The following PLEKHA7 variants were observed in gnomAD, a reference collection of about 807,000 sequenced individuals.
The protein encoded by PLEKHA7 is pleckstrin homology domain containing A7.
A neutral mutation model predicts 170.0 loss-of-function variants in PLEKHA7; 104 were observed. The ratio of observed to expected loss-of-function variants is 0.61; its 90% CI spans 0.52 to 0.72. The LOEUF (loss-of-function observed/expected upper bound fraction) is 0.72. Among genes scored for constraint, PLEKHA7 ranks in the 30% least tolerant of loss-of-function variants. The pLI, the probability that PLEKHA7 is intolerant of heterozygous loss-of-function variation, is 0.00. For synonymous variants in PLEKHA7, 648 were observed against 660.8 expected (o/e 0.98, Z 0.30); for missense variants, 1,615 against 1,671.7 (o/e 0.97, Z 0.59).
chr11:16,881,973 G>T (rs2135801876), intron 3 of PLEKHA7, among the ~76,000 whole-genome samples: 1 of 152,284 alleles, frequency 6.6e-6, no homozygotes, highest in East Asian at 1.9e-4. Context: ...GGGCAGAGGG[G>T]TTAAAAAGAG....
intron 3 of PLEKHA7, among the ~76,000 whole-genome samples, chr11:17,000,498 CCTT>C (rs1864601517): frequency 6.6e-6 from 1 of 152,162 alleles, no homozygotes; most frequent in Admixed American, 6.5e-5. Context: ...TGCCCAGCTT[CCTT>C]TTAAAGACAA....
At chr11:16,962,283 G>C (rs58540437) in intron 3 of PLEKHA7, among the ~76,000 whole-genome samples, 8,569 of 152,262 alleles carry the variant, frequency 0.056, 785 homozygotes, top group African/African-American at 0.19. Context: ...CATTATCACA[G>C]TGTCCACCTG....
intron 26 of PLEKHA7, 52 bp from the exon 27 acceptor site, chr11:16,779,072 C>T (rs936789855): frequency 7.1e-6 from 5 of 702,416 alleles, no homozygotes; most frequent in South Asian, 1.5e-5. Context: ...GGAGCAGGCA[C>T]GTCTGCACAC....
rs1053587220 is a variant in PLEKHA7, at chr11:16,855,626, G to T, written c.417+177C>A. 8.3e-6 allele frequency: 5 copies of T among 602,844 alleles called. No homozygotes were observed. The African/African-American group carries it at 9.3e-5, about 11-fold the overall frequency. 37.3% of individuals were successfully genotyped at this position (602,844 alleles called of 1,614,324 possible). On this transcript the variant is annotated intron_variant, in intron 5 of 26. Transcript: ENST00000531066. ...GGGTCTGTCAGCAATCACCTGTTCT[G>T]CTGGACAAGGGACATATCCCTCTTG...
intron 10 of PLEKHA7, among the ~76,000 whole-genome samples, chr11:16,823,611 T>C (rs927354712): frequency 1.3e-5 from 2 of 152,206 alleles, no homozygotes; most frequent in Non-Finnish European, 2.9e-5. Flanking sequence ...CCTATGCTTG[T>C]ATCTGCTGCA....
In PLEKHA7 at chr11:16,861,476, C is replaced by G. The variant is rs543185539; in HGVS notation, c.306-5562G>C. On this transcript the variant is annotated intron_variant, in intron 4 of 26. Coordinates refer to ENST00000531066, the MANE Select transcript of PLEKHA7 (RefSeq NM_001329630.2). ...AAGACCTGGGCAACATAATGAGACCCCGTCTCTATGAAAAATACAAAAATT... is the reference window on the plus strand; with the variant it reads ...AAGACCTGGGCAACATAATGAGACCGCGTCTCTATGAAAAATACAAAAATT... 5.3e-5 allele frequency among the ~76,000 whole-genome samples: 8 copies of G among 152,110 alleles called. No homozygotes were observed. The East Asian group carries it at 1.5e-3, about 29-fold the overall frequency.
At chr11:16,870,204 T>C (rs1854716800) in intron 4 of PLEKHA7, among the ~76,000 whole-genome samples, 1 of 152,154 alleles carries the variant, frequency 6.6e-6, no homozygotes, top group Non-Finnish European at 1.5e-5. Flanking sequence ...CCAGGGACGA[T>C]GGGGATTACC....
At chr11:16,881,533 T>G (rs1230625569) in intron 3 of PLEKHA7, 1 of 152,212 alleles carries the variant, frequency 6.6e-6, no homozygotes, top group Non-Finnish European at 1.5e-5. Context: ...CAGCTCTGAG[T>G]CACTGCCCCA....
chr11:16,839,363 C>T (rs539596618), intron 9 of PLEKHA7, among the ~76,000 whole-genome samples: 19 of 151,238 alleles, frequency 1.3e-4, no homozygotes, highest in African/African-American at 4.3e-4. Flanking sequence ...GGGATATCTT[C>T]GTCTTACAGT....
At position 16,826,715 on chromosome 11, in the gene PLEKHA7, C is replaced by G. The variant is rs964189916; in HGVS notation, c.873-125G>C. ...CCCTCTGCTCAGAACGCCTTTCATG[C>G]TCATGTCCTCACTCTGCCTGCCTAA... On this transcript the variant is annotated intron_variant, in intron 9 of 26. Coordinates refer to ENST00000531066, the MANE Select transcript of PLEKHA7 (RefSeq NM_001329630.2). The G allele has an allele frequency of 4.8e-6, 4 of 836,516 alleles. No homozygotes were observed. In the African/African-American group the frequency reaches 6.8e-5, roughly 14 times the overall value. The allele number at this position is 836,516 out of a possible 1,614,324, so 51.8% of individuals were successfully genotyped here.
intron 3 of PLEKHA7, among the ~76,000 whole-genome samples, chr11:16,958,618 A>G (rs899985314): frequency 6.6e-6 from 1 of 152,216 alleles, no homozygotes; most frequent in African/African-American, 2.4e-5. Flanking sequence ...TCTAATATGC[A>G]TTATTTCTGC....
At position 16,791,357 on chromosome 11, in the gene PLEKHA7, C is replaced by A. The variant is rs963716963; in HGVS notation, c.2746-158G>T. On this transcript the variant is annotated intron_variant, in intron 19 of 26. Transcript: ENST00000531066. The surrounding 1 kb of genome is among the most constrained non-coding windows in gnomAD (Gnocchi z 4.5). ...CAAGGAGCACTCACACTTCCCCTGG[C>A]GGAGCAGTGAAGAAGGGACATGCTC... 3 of 674,158 alleles carry A rather than the reference C, an allele frequency of 4.4e-6. No homozygotes were observed. The Admixed American group carries it at 8.6e-5, about 19-fold the overall frequency. The allele number at this position is 674,158 out of a possible 1,614,324, so 41.8% of individuals were successfully genotyped here.
intron 3 of PLEKHA7, among the ~76,000 whole-genome samples, chr11:17,002,582 CT>C (rs1381858531): frequency 6.6e-6 from 1 of 152,120 alleles, no homozygotes; most frequent in Non-Finnish European, 1.5e-5. Context: ...CCCCATCAGC[CT>C]CAAATGCCTG....
At chr11:16,981,457 G>T (rs1368099500) in intron 3 of PLEKHA7, among the ~76,000 whole-genome samples, 2 of 152,072 alleles carry the variant, frequency 1.3e-5, no homozygotes, top group African/African-American at 2.4e-5. Context: ...GAGCTTCCTG[G>T]AACACCTGCT....
At chr11:16,870,409 G>C (rs1854733892) in intron 4 of PLEKHA7, among the ~76,000 whole-genome samples, 2 of 151,988 alleles carry the variant, frequency 1.3e-5, no homozygotes, top group South Asian at 4.2e-4. Context: ...CAGGAGGATT[G>C]CTTCAGCTCA....
At chr11:16,815,937 T>G (rs1002882861) in intron 12 of PLEKHA7, among the ~76,000 whole-genome samples, 1 of 152,126 alleles carries the variant, frequency 6.6e-6, no homozygotes, top group East Asian at 1.9e-4. Flanking sequence ...AAAATTCATC[T>G]TGAAAGAGGA....
At position 16,789,499 on chromosome 11, in the gene PLEKHA7, T is replaced by C; in HGVS notation, c.3157-203A>G. On this transcript the variant is annotated intron_variant, in intron 22 of 26. Coordinates refer to ENST00000531066, the MANE Select transcript of PLEKHA7 (RefSeq NM_001329630.2). This position sits in a 1 kb window ranked among gnomAD's most constrained non-coding sequence, Gnocchi z 4.6. ...CAGGAGCTTTCTGAGTAGCACCCAT[T>C]CTGCAGATGCAGACACTTAGGCTCA... The C allele has an allele frequency of 1.6e-6, 1 of 626,776 alleles. No homozygotes were observed. Among genetic ancestry groups the C allele is most frequent in the Non-Finnish European group, 2.8e-6 (1 of 359,540 alleles). The allele number at this position is 626,776 out of a possible 1,614,324, so 38.8% of individuals were successfully genotyped here.
intron 3 of PLEKHA7, among the ~76,000 whole-genome samples, chr11:16,976,776 T>C (rs1461104632): frequency 2.0e-5 from 3 of 152,244 alleles, no homozygotes; most frequent in African/African-American, 7.2e-5. Context: ...TTTTTTGGTC[T>C]CATAGGACAT....
intron 3 of PLEKHA7, among the ~76,000 whole-genome samples, chr11:16,910,121 C>T (rs1858143917): frequency 6.6e-6 from 1 of 152,198 alleles, no homozygotes; most frequent in African/African-American, 2.4e-5. Flanking sequence ...TTGAGAAAAT[C>T]TCAAGTGCTA....
Sources: gnomAD v4.1 joint callset for allele counts (sites outside exome capture counted in the v4.1 genomes callset) on GRCh38, gnomAD v4.1.1 for gene constraint, Gnocchi (gnomAD v3.1) non-coding constraint, MANE v1.5 for transcripts, NCBI Gene and HGNC (gene_info 2026-07-23, HGNC 2026-07-21) for gene names.